DIP2A: variants seen among roughly 807,000 people sequenced by gnomAD.
The protein encoded by DIP2A is disco-interacting protein 2 homolog A.
In DIP2A, 85 loss-of-function variants were observed where a neutral mutation model predicts 177.4. The observed-to-expected ratio is 0.48, with a 90% CI of 0.40 to 0.57. DIP2A has a LOEUF of 0.57. Among genes scored for constraint, DIP2A ranks in the 20% least tolerant of loss-of-function variants. The probability of loss-of-function intolerance (pLI) is 0.00; values close to 1 mark genes in which losing one functional copy is unlikely to be tolerated. For missense variants in DIP2A, 1,791 were observed against 2,100.2 expected (o/e 0.85, Z 2.88); for synonymous variants, 886 against 881.8 (o/e 1.00, Z -0.08).
At chr21:46,581,870 C>T in the DIP2A span, among the ~76,000 whole-genome samples, 7 of 152,128 alleles carry the variant, frequency 4.6e-5, no homozygotes, top group African/African-American at 9.7e-5. Context: ...GGAACGCTCC[C>T]GTATAAGATT....
At chr21:46,470,272 C>G (rs559084229) in intron 1 of DIP2A, among the ~76,000 whole-genome samples, 1 of 151,986 alleles carries the variant, frequency 6.6e-6, no homozygotes, top group Non-Finnish European at 1.5e-5. Context: ...GTTGGGAGTT[C>G]GAGACCAGCC....
chr21:46,464,497 A>G (rs185474809), intron 1 of DIP2A, among the ~76,000 whole-genome samples: 1 of 152,298 alleles, frequency 6.6e-6, no homozygotes, highest in African/African-American at 2.4e-5. Flanking sequence ...GTGTTCTATA[A>G]CAGAACACCA....
chr21:46,546,461 C>T (rs1398588798), intron 20 of DIP2A, among the ~76,000 whole-genome samples: 1 of 152,244 alleles, frequency 6.6e-6, no homozygotes, highest in East Asian at 1.9e-4. Context: ...AGATGCTGCT[C>T]AGTGTCCAAC....
At chr21:46,462,942 T>C (rs2054452198) in intron 1 of DIP2A, 1 of 152,180 alleles carries the variant, frequency 6.6e-6, no homozygotes, top group Non-Finnish European at 1.5e-5. Context: ...TCTGGTAGAA[T>C]GCTATGATTT....
intron 8 of DIP2A, among the ~76,000 whole-genome samples, chr21:46,528,566 T>TTTTTTTTTTTTTTTTTTTTTC (rs1274809865): frequency 8.8e-6 from 1 of 113,136 alleles, no homozygotes; most frequent in Non-Finnish European, 1.8e-5. Flanking sequence ...TTTTTTTTTT[T>TTTTTTTTTTTTTTTTTTTTTC]TTAGATAATG....
intron 1 of DIP2A, among the ~76,000 whole-genome samples, chr21:46,475,614 T>TC (rs1436420290): frequency 6.6e-6 from 1 of 152,276 alleles, no homozygotes; most frequent in Non-Finnish European, 1.5e-5. Flanking sequence ...GATTTTTCTC[T>TC]AATTGTGAAA....
At chr21:46,544,011 C>T (rs2059930280) in intron 18 of DIP2A, among the ~76,000 whole-genome samples, 1 of 152,186 alleles carries the variant, frequency 6.6e-6, no homozygotes. Context: ...CACAGAAGGA[C>T]AGTTCCTAGC....
chr21:46,546,206 T>G, intron 20 of DIP2A: 1 of 1,307,152 alleles, frequency 7.7e-7, no homozygotes, highest in Non-Finnish European at 9.7e-7. Flanking sequence ...TGAGGATGTT[T>G]TGCTTTTTAT....
chr21:46,480,414 A>T (rs1285736712), intron 1 of DIP2A, among the ~76,000 whole-genome samples: 1 of 152,088 alleles, frequency 6.6e-6, no homozygotes, highest in Non-Finnish European at 1.5e-5. Flanking sequence ...ACACGTGGGG[A>T]TTATTACAAT....
intron 1 of DIP2A, among the ~76,000 whole-genome samples, chr21:46,461,293 A>AAAAAAAAAAAAAAAAT: frequency 6.8e-6 from 1 of 146,082 alleles, no homozygotes; most frequent in South Asian, 2.2e-4. Context: ...AAAAAAAAAA[A>AAAAAAAAAAAAAAAAT]GGAAAGAAAT....
rs955019614 is a variant in DIP2A, at chr21:46,540,013, T to G, written c.2036+22T>G. On this transcript the variant is annotated intron_variant, in intron 17 of 37. Transcript: ENST00000417564. ...GCAGGTAACCTTATTCCTTGCTATGTCTCATGAGCACTTAGTTGAATCTTC... is the reference window on the plus strand; with the variant it reads ...GCAGGTAACCTTATTCCTTGCTATGGCTCATGAGCACTTAGTTGAATCTTC... 5.1e-6 allele frequency: 8 copies of G among 1,577,234 alleles called. No individual in the cohort carries two copies. The African/African-American group carries it at 1.1e-4, about 21-fold the overall frequency.
intron 1 of DIP2A, among the ~76,000 whole-genome samples, chr21:46,478,660 T>C (rs533695733): frequency 6.6e-6 from 1 of 152,342 alleles, no homozygotes; most frequent in African/African-American, 2.4e-5. Flanking sequence ...TTTATAATGT[T>C]GTTAGTTTCT....
intron 8 of DIP2A, among the ~76,000 whole-genome samples, chr21:46,523,137 C>T (rs183939618): frequency 2.7e-4 from 41 of 152,182 alleles, no homozygotes; most frequent in Admixed American, 5.2e-4. Flanking sequence ...GTTGATCAGG[C>T]TGGTCTCAAA....
chr21:46,558,294 G>A lies in DIP2A; in HGVS notation c.3870G>A (p.Leu1290=), dbSNP rs765115768. 1.2e-6 allele frequency: 2 copies of A among 1,611,548 alleles called. No individual in the cohort carries two copies. Among genetic ancestry groups the A allele is most frequent in the East Asian group, 2.2e-5 (1 of 44,828 alleles). Residue 1290 remains leucine (L), a synonymous_variant, in exon 32 of 38, where the codon CTG becomes CTA. Transcript: ENST00000417564. ...CCGAGGAGCGGCCCAGGATTGCGCT[G>A]ACCCAGTCCTTCTCCAAGCTCTTCA... ...VVAEERPRIA[L]TQSFSKLFKD...
downstream of DIP2A, among the ~76,000 whole-genome samples, chr21:46,572,478 A>G (rs1051776526): frequency 1.2e-4 from 18 of 152,198 alleles, no homozygotes; most frequent in African/African-American, 4.1e-4. Flanking sequence ...TGGCAGTATT[A>G]AGAGGTGGGG....
At chr21:46,492,497 G>C (rs2057071962) in intron 3 of DIP2A, among the ~76,000 whole-genome samples, 2 of 152,096 alleles carry the variant, frequency 1.3e-5, no homozygotes. Context: ...GCACCTTTAA[G>C]ATTTTTCTCT....
At chr21:46,510,560 T>A (rs907014225) in intron 7 of DIP2A, among the ~76,000 whole-genome samples, 2 of 151,504 alleles carry the variant, frequency 1.3e-5, no homozygotes, top group African/African-American at 4.8e-5. Context: ...AGAAAAAGAT[T>A]AATTCTTTTT....
intron 3 of DIP2A, among the ~76,000 whole-genome samples, chr21:46,496,062 C>T (rs2057342109): frequency 1.0e-5 from 1 of 99,212 alleles, no homozygotes; most frequent in Non-Finnish European, 2.0e-5. Flanking sequence ...CAGATCGAGA[C>T]TCCATCTCAA....
At chr21:46,539,039 G>C (rs2059691995) in intron 16 of DIP2A, 1 of 202,334 alleles carries the variant, frequency 4.9e-6, no homozygotes, top group South Asian at 8.0e-5. Context: ...ATCCTCCCAG[G>C]AGGAGCTCCC....
Sources: gnomAD v4.1 joint callset for allele counts (sites outside exome capture counted in the v4.1 genomes callset) on GRCh38, gnomAD v4.1.1 for gene constraint, MANE v1.5 for transcripts, NCBI Gene and HGNC (gene_info 2026-07-23, HGNC 2026-07-21) for gene names.